The following TSPAN18 variants were observed in gnomAD, a reference collection of about 807,000 sequenced individuals.
TSPAN18 encodes tetraspanin 18.
A neutral mutation model predicts 27.3 loss-of-function variants in TSPAN18; 14 were observed. That is an observed-to-expected ratio of 0.51 (90% CI 0.34 to 0.80). The LOEUF (loss-of-function observed/expected upper bound fraction) is 0.80. TSPAN18 is among the 30% of genes least tolerant of loss of function. The pLI is 0.01. For missense variants in TSPAN18, 268 were observed against 323.9 expected (o/e 0.83, Z 1.32); for synonymous variants, 143 against 136.5 (o/e 1.05, Z -0.33).
At position 44,815,431 on chromosome 11, in the gene TSPAN18, G is replaced by A. The variant is rs568213738; in HGVS notation, c.-152-44897G>A. 5.3e-5 allele frequency among the ~76,000 whole-genome samples: 8 copies of A among 152,274 alleles called. No homozygotes were observed. In the East Asian group the frequency reaches 9.7e-4, roughly 18 times the overall value. On this transcript the variant is annotated intron_variant, in intron 2 of 9. Coordinates refer to ENST00000520358, the MANE Select transcript of TSPAN18 (RefSeq NM_130783.5). ...CTCAGGGGTGGCTGGACTGTGGGCC[G>A]GATGGGGGCACCCTCAGGGTTAGGG...
At chr11:44,854,823 T>A (rs746403541) in intron 2 of TSPAN18, among the ~76,000 whole-genome samples, 1 of 152,202 alleles carries the variant, frequency 6.6e-6, no homozygotes, top group Non-Finnish European at 1.5e-5. Flanking sequence ...AAAGAAAAAC[T>A]GAGCTTGGAG....
At chr11:44,856,316 G>A (rs533269293) in intron 2 of TSPAN18, among the ~76,000 whole-genome samples, 20 of 152,244 alleles carry the variant, frequency 1.3e-4, no homozygotes, top group Non-Finnish European at 2.5e-4. Flanking sequence ...CTTGCCTTCC[G>A]TTTCTGTCTC....
intron 3 of TSPAN18, among the ~76,000 whole-genome samples, chr11:44,881,311 A>G (rs887894296): frequency 6.6e-6 from 1 of 152,064 alleles, no homozygotes; most frequent in African/African-American, 2.4e-5. Context: ...TCCACAGCTG[A>G]TGGAGGAGCT....
At chr11:44,779,371 G>A (rs1166325401) in intron 2 of TSPAN18, among the ~76,000 whole-genome samples, 1 of 152,156 alleles carries the variant, frequency 6.6e-6, no homozygotes, top group Non-Finnish European at 1.5e-5. Context: ...TAAAAACACT[G>A]TGTCCTTTTT....
At chr11:44,812,161 C>A (rs538773000) in intron 2 of TSPAN18, among the ~76,000 whole-genome samples, 1 of 152,328 alleles carries the variant, frequency 6.6e-6, no homozygotes, top group African/African-American at 2.4e-5. Context: ...CTAACCAAGG[C>A]AAAGAGCATG....
At chr11:44,741,398 C>T (rs575526389) in intron 1 of TSPAN18, among the ~76,000 whole-genome samples, 1 of 151,298 alleles carries the variant, frequency 6.6e-6, no homozygotes, top group African/African-American at 2.4e-5. Context: ...TTTGTTTCTT[C>T]GTAGTCTAGC....
At chr11:44,896,782 GCCACCACCA>G (rs1186136986) in intron 3 of TSPAN18, among the ~76,000 whole-genome samples, 3 of 151,626 alleles carry the variant, frequency 2.0e-5, no homozygotes, top group Non-Finnish European at 4.4e-5. Context: ...CCTCCACGCT[GCCACCACCA>G]CCACCACCAC....
At chr11:44,806,137 T>A (rs7932482) in intron 2 of TSPAN18, among the ~76,000 whole-genome samples, 1 of 150,434 alleles carries the variant, frequency 6.6e-6, no homozygotes, top group South Asian at 2.1e-4. Flanking sequence ...CGGGTTCAAG[T>A]GATTCTCATG....
intron 1 of TSPAN18, among the ~76,000 whole-genome samples, chr11:44,747,288 C>T (rs1324439850): frequency 6.6e-6 from 1 of 152,256 alleles, no homozygotes; most frequent in African/African-American, 2.4e-5. Flanking sequence ...CACAGAACTT[C>T]AGCAAGGAGC....
rs78860187 is a variant in TSPAN18 at position 44,873,938 on chromosome 11, C to A, written c.-11+13469C>A. On this transcript the variant is annotated intron_variant, in intron 3 of 9. Coordinates refer to ENST00000520358, the MANE Select transcript of TSPAN18 (RefSeq NM_130783.5). ...TCTGGGCCCTCCCAGGCTGGCATAG[C>A]TAGGTTTGTTCCAGCTCTGCCTCTC... 3.3e-3 allele frequency among the ~76,000 whole-genome samples: 510 copies of A among 152,338 alleles called. 3 individuals carry two copies. Among genetic ancestry groups the A allele is most frequent in the African/African-American group, 0.012 (496 of 41,570 alleles).
chr11:44,730,864 T>G (rs1425567567), intron 1 of TSPAN18, among the ~76,000 whole-genome samples: 1 of 152,124 alleles, frequency 6.6e-6, no homozygotes, highest in East Asian at 1.9e-4. Flanking sequence ...GACCTCGTGA[T>G]TCACCTGCCT....
intron 2 of TSPAN18, among the ~76,000 whole-genome samples, chr11:44,819,953 T>A (rs1177079481): frequency 1.3e-5 from 2 of 152,038 alleles, no homozygotes; most frequent in Non-Finnish European, 1.5e-5. Flanking sequence ...AAAGTTTTGG[T>A]TTCTGAAAGC....
intron 3 of TSPAN18, among the ~76,000 whole-genome samples, chr11:44,906,021 G>A (rs1316869510): frequency 6.6e-6 from 1 of 152,224 alleles, no homozygotes; most frequent in Non-Finnish European, 1.5e-5. Flanking sequence ...GCTCACACCT[G>A]CAGTAGAGCA....
chr11:44,901,975 T>C (rs1380246225), intron 3 of TSPAN18, among the ~76,000 whole-genome samples: 1 of 152,220 alleles, frequency 6.6e-6, no homozygotes, highest in African/African-American at 2.4e-5. Context: ...GCTCAATAAA[T>C]GTTCTTTCCT....
chr11:44,797,651 A>G (rs924562128), intron 2 of TSPAN18, among the ~76,000 whole-genome samples: 4 of 152,190 alleles, frequency 2.6e-5, no homozygotes, highest in Non-Finnish European at 4.4e-5. Context: ...TCTGTGCCAC[A>G]TTCATCATTT....
intron 3 of TSPAN18, among the ~76,000 whole-genome samples, chr11:44,901,002 G>A (rs1309449569): frequency 6.6e-6 from 1 of 152,072 alleles, no homozygotes; most frequent in Non-Finnish European, 1.5e-5. Flanking sequence ...GCCGAGGAAG[G>A]CATTGTTTTT....
At chr11:44,889,236 G>A (rs1303140387) in intron 3 of TSPAN18, among the ~76,000 whole-genome samples, 1 of 152,228 alleles carries the variant, frequency 6.6e-6, no homozygotes, top group Admixed American at 6.5e-5. Context: ...GGCCCAAGAG[G>A]ATAAGGCCAG....
At chr11:44,904,415 C>A (rs1030203894) in intron 3 of TSPAN18, among the ~76,000 whole-genome samples, 9 of 152,258 alleles carry the variant, frequency 5.9e-5, no homozygotes, top group African/African-American at 2.2e-4. Context: ...GCCTGTCAGA[C>A]CTTCCTCTTG....
Position 44,930,551 on chromosome 11 carries a change from T to A in TSPAN18, c.*1373T>A, listed in dbSNP as rs1002480635. On this transcript the variant is annotated 3_prime_UTR_variant, in exon 10 of 10. Transcript: ENST00000520358. The stretch of plus-strand genomic sequence containing the variant: ...CCTGTCTCTTCACTGTCCGCACATT[T>A]CTTAGTATTCCCTCCAGGCTTGGGC... The A allele has an allele frequency of 3.6e-6, 1 of 278,436 alleles. No homozygotes were observed. Among genetic ancestry groups the A allele is most frequent in the African/African-American group, 2.2e-5 (1 of 44,702 alleles). 17.2% of individuals were successfully genotyped at this position (278,436 alleles called of 1,614,324 possible).
Sources: gnomAD v4.1 joint callset for allele counts (sites outside exome capture counted in the v4.1 genomes callset) on GRCh38, gnomAD v4.1.1 for gene constraint, MANE v1.5 for transcripts, NCBI Gene and HGNC (gene_info 2026-07-23, HGNC 2026-07-21) for gene names.